Variants in ABHD2 observed in about 807,000 individuals in gnomAD.
ABHD2 encodes monoacylglycerol lipase ABHD2.
ABHD2 carries 20 observed loss-of-function variants against 48.1 expected under a neutral mutation model. The observed-to-expected ratio is 0.42, with a 90% CI of 0.29 to 0.60. The LOEUF is 0.60. ABHD2 is among the 20% of genes least tolerant of loss of function. ABHD2 has a pLI of 0.24. For synonymous variants in ABHD2, 209 were observed against 214.2 expected (o/e 0.98, Z 0.21); for missense variants, 405 against 550.9 (o/e 0.74, Z 2.65).
rs563651822 is a variant in ABHD2, at chr15:89,179,904, T to C, written c.722+3909T>C. Among the ~76,000 whole-genome samples the C allele has an allele frequency of 6.6e-6, 1 of 152,318 alleles. No individual in the cohort carries two copies. Among genetic ancestry groups the C allele is most frequent in the East Asian group, 1.9e-4 (1 of 5,180 alleles). Reference sequence around the variant, plus strand: ...TTCTTTGAGCAAGGCCTTCCTGCCATGGGGAAGAGGCAGGTACCACTTTTC... The same window carrying C: ...TTCTTTGAGCAAGGCCTTCCTGCCACGGGGAAGAGGCAGGTACCACTTTTC... On this transcript the variant is annotated intron_variant, in intron 6 of 10. Transcript: ENST00000352732. The surrounding 1 kb of genome is among the most constrained non-coding windows in gnomAD (Gnocchi z 4.3).
the ABHD2 span, among the ~76,000 whole-genome samples, chr15:89,080,921 A>T: frequency 1.3e-5 from 2 of 151,700 alleles, no homozygotes; most frequent in African/African-American, 4.8e-5. Flanking sequence ...TCCTCTTGTG[A>T]TTGGCTAATT....
the ABHD2 span, among the ~76,000 whole-genome samples, chr15:89,063,532 A>G: frequency 6.6e-6 from 1 of 151,870 alleles, no homozygotes; most frequent in Non-Finnish European, 1.5e-5. Flanking sequence ...TCTCTCACAC[A>G]TGCACACACA....
At chr15:89,062,694 G>C in the ABHD2 span, among the ~76,000 whole-genome samples, 1 of 151,928 alleles carries the variant, frequency 6.6e-6, no homozygotes, top group Non-Finnish European at 1.5e-5. Flanking sequence ...AGTTGGAATT[G>C]ATTTTTTAAA....
the ABHD2 span, among the ~76,000 whole-genome samples, chr15:89,049,326 T>C: frequency 6.6e-6 from 1 of 152,202 alleles, no homozygotes; most frequent in African/African-American, 2.4e-5. Flanking sequence ...TCTGTAGAGG[T>C]TACTGCTGTC....
the ABHD2 span, among the ~76,000 whole-genome samples, chr15:89,080,259 G>C: frequency 0.69 from 104,808 of 152,112 alleles, 36,955 homozygotes; most frequent in African/African-American, 0.82. Flanking sequence ...AGAGGAAGGC[G>C]GTAGATACAG....
chr15:89,062,861 C>T, the ABHD2 span, among the ~76,000 whole-genome samples: 1 of 151,990 alleles, frequency 6.6e-6, no homozygotes, highest in Admixed American at 6.6e-5. Flanking sequence ...ATTTCCGGTG[C>T]TTACTGAATG....
rs1274170013 is a variant in ABHD2, at chr15:89,175,785, T to C, written c.539-27T>C. The C allele has an allele frequency of 6.2e-7, 1 of 1,613,424 alleles. No individual in the cohort carries two copies. The highest frequency in any genetic ancestry group is 8.5e-7 in the Non-Finnish European group (1 of 1,179,794). On this transcript the variant is annotated intron_variant, in intron 5 of 10. Transcript: ENST00000352732. This position sits in a 1 kb window ranked among gnomAD's most constrained non-coding sequence, Gnocchi z 5.7. ...CCAGATAGGATGCACCTGAAATGAT[T>C]GAGCAATCTCACCCTTTTGCCCACA...
intron 1 of ABHD2, among the ~76,000 whole-genome samples, chr15:89,107,138 C>G (rs1436609660): frequency 1.3e-5 from 2 of 152,270 alleles, no homozygotes; most frequent in Non-Finnish European, 2.9e-5. Context: ...AGAAGCCCCT[C>G]AGCAGGAGAG....
chr15:89,041,395 T>C, the ABHD2 span: 1 of 152,242 alleles, frequency 6.6e-6, no homozygotes, highest in African/African-American at 2.4e-5. Flanking sequence ...TGAATTCTGC[T>C]TTACTATAAC....
rs1317232027 is a variant in ABHD2 at position 89,116,829 on chromosome 15, C to G, written c.194+308C>G. 6.6e-6 allele frequency among the ~76,000 whole-genome samples: 1 copy of G among 152,192 alleles called. No homozygotes were observed. Among genetic ancestry groups the G allele is most frequent in the African/African-American group, 2.4e-5 (1 of 41,442 alleles). On this transcript the variant is annotated intron_variant, in intron 3 of 10. Transcript: ENST00000352732. This position sits in a 1 kb window ranked among gnomAD's most constrained non-coding sequence, Gnocchi z 4.6. The stretch of plus-strand genomic sequence containing the variant: ...GGAAAAGTTGGACAATATTCTAGTC[C>G]TTTAACGAATGCTTTGTTGCCAGTT...
In ABHD2 at chr15:89,146,588, A is replaced by G. The variant is rs927230550; in HGVS notation, c.195-5089A>G. Among the ~76,000 whole-genome samples, 1 of 152,172 alleles carries G rather than the reference A, an allele frequency of 6.6e-6. No homozygotes were observed. Among genetic ancestry groups the G allele is most frequent in the Non-Finnish European group, 1.5e-5 (1 of 68,032 alleles). ...ATTTATTAACCGCTGGCCACGGCAC[A>G]ACATTGGCCACAATACCATAAGGAT... On this transcript the variant is annotated intron_variant, in intron 3 of 10. Transcript: ENST00000352732. The surrounding 1 kb of genome is among the most constrained non-coding windows in gnomAD (Gnocchi z 4.2).
intron 3 of ABHD2, among the ~76,000 whole-genome samples, chr15:89,141,498 T>C (rs1425305710): frequency 6.6e-6 from 1 of 152,174 alleles, no homozygotes; most frequent in Non-Finnish European, 1.5e-5. Context: ...CCAGGCATGG[T>C]GGCGTGCGCC....
Position 89,175,980 on chromosome 15 carries a change from G to C in ABHD2, c.707G>C (p.Gly236Ala), listed in dbSNP as rs1217999778. The change falls in exon 6 of 11, where the codon GGG becomes GCG. Residue 236 changes from glycine (G) to alanine (A), a missense_variant. Transcript: ENST00000352732. The surrounding 1 kb of genome is among the most constrained non-coding windows in gnomAD (Gnocchi z 5.7). ...CTGTGCTGCGTCAGCGTGTGCCAGG[G>C]GTACAGTGCACTGAGGTGAGTCATC... ...KVLCCVSVCQ[G>A]YSALRAQETF... The C allele has an allele frequency of 6.2e-7, 1 of 1,610,126 alleles. No homozygotes were observed. Among genetic ancestry groups the C allele is most frequent in the Non-Finnish European group, 8.5e-7 (1 of 1,177,952 alleles).
chr15:89,060,089 T>G, the ABHD2 span, among the ~76,000 whole-genome samples: 1 of 143,742 alleles, frequency 7.0e-6, no homozygotes, highest in East Asian at 2.0e-4. Context: ...AGGCCTTTTT[T>G]TTTTTTTTTT....
At chr15:89,070,902 C>T in the ABHD2 span, among the ~76,000 whole-genome samples, 1 of 151,992 alleles carries the variant, frequency 6.6e-6, no homozygotes, top group African/African-American at 2.4e-5. Flanking sequence ...TCTTTCATGG[C>T]CTTTGGCTCT....
At chr15:89,056,784 T>G in the ABHD2 span, among the ~76,000 whole-genome samples, 1 of 152,232 alleles carries the variant, frequency 6.6e-6, no homozygotes, top group Non-Finnish European at 1.5e-5. Context: ...GCCTCAGTTT[T>G]CTTGTCTGTA....
In ABHD2 at chr15:89,195,501, T is replaced by C. The variant is rs2051386974; in HGVS notation, c.*78T>C. 2 of 1,470,144 alleles carry C rather than the reference T, an allele frequency of 1.4e-6. No individual in the cohort carries two copies. Among genetic ancestry groups the C allele is most frequent in the Non-Finnish European group, 1.8e-6 (2 of 1,094,512 alleles). The allele number at this position is 1,470,144 out of a possible 1,614,324, so 91.1% of individuals were successfully genotyped here. On this transcript the variant is annotated 3_prime_UTR_variant, in exon 11 of 11. Transcript: ENST00000352732. The surrounding 1 kb of genome is among the most constrained non-coding windows in gnomAD (Gnocchi z 5.1). ...CTCACCCCCTGTTTCAGGTCTCCCA[T>C]CTCCCTCAGTGACCTGGATCTGACC...
chr15:89,042,075 CT>C, the ABHD2 span, among the ~76,000 whole-genome samples: 1 of 152,172 alleles, frequency 6.6e-6, no homozygotes, highest in African/African-American at 2.4e-5. Flanking sequence ...CATCTAAGCC[CT>C]TTATACTTCT....
chr15:89,071,561 C>T, the ABHD2 span, among the ~76,000 whole-genome samples: 4 of 152,164 alleles, frequency 2.6e-5, no homozygotes, highest in Admixed American at 6.5e-5. Context: ...TAAAACCCTC[C>T]CCTTAACAAC....
Sources: allele counts gnomAD v4.1 joint callset (sites outside exome capture counted in the v4.1 genomes callset), GRCh38; gene constraint gnomAD v4.1.1; non-coding constraint Gnocchi (gnomAD v3.1); transcripts MANE v1.5; gene names NCBI Gene and HGNC (gene_info 2026-07-23, HGNC 2026-07-21).